The following BICC1 variants were observed in gnomAD, a reference collection of about 807,000 sequenced individuals.
BICC1 encodes protein bicaudal C homolog 1.
A neutral mutation model predicts 111.0 loss-of-function variants in BICC1; 43 were observed. The ratio of observed to expected loss-of-function variants is 0.39; its 90% CI spans 0.30 to 0.50. The LOEUF (loss-of-function observed/expected upper bound fraction) is 0.50. Ranked by LOEUF, BICC1 falls within the 20% of genes least tolerant of loss-of-function variation. BICC1 has a pLI of 0.88. For synonymous variants in BICC1, 467 were observed against 434.4 expected (o/e 1.07, Z -0.93); for missense variants, 1,091 against 1,203.2 (o/e 0.91, Z 1.38).
chr10:58,567,289 C>T (rs915265485), intron 1 of BICC1, among the ~76,000 whole-genome samples: 4 of 152,036 alleles, frequency 2.6e-5, no homozygotes, highest in African/African-American at 9.7e-5. Context: ...TTTTAGTGTA[C>T]ATGTCATTAA....
intron 1 of BICC1, among the ~76,000 whole-genome samples, chr10:58,518,029 A>T (rs961819038): frequency 6.6e-6 from 1 of 152,186 alleles, no homozygotes; most frequent in Middle Eastern, 3.2e-3. Context: ...CCATGTGTTG[A>T]GTATACTTGT....
chr10:58,786,359 A>G (rs1589136637), intron 4 of BICC1, among the ~76,000 whole-genome samples: 1 of 152,186 alleles, frequency 6.6e-6, no homozygotes, highest in African/African-American at 2.4e-5. Context: ...TCTGCACTTT[A>G]TGATCTCTTT....
chr10:58,673,909 G>A (rs1839259425), intron 2 of BICC1, among the ~76,000 whole-genome samples: 2 of 151,958 alleles, frequency 1.3e-5, no homozygotes. Flanking sequence ...GGGATTACAG[G>A]TATGAGCCAC....
chr10:58,779,026 A>G (rs1842818090), intron 3 of BICC1, among the ~76,000 whole-genome samples: 1 of 152,160 alleles, frequency 6.6e-6, no homozygotes, highest in Non-Finnish European at 1.5e-5. Flanking sequence ...ATCTCTTGGT[A>G]AAGTATGTAT....
At chr10:58,804,079 A>G (rs1048259950) in intron 15 of BICC1, among the ~76,000 whole-genome samples, 2 of 152,190 alleles carry the variant, frequency 1.3e-5, no homozygotes, top group African/African-American at 4.8e-5. Context: ...GCTAAACTAT[A>G]TTACTTTAAT....
Position 58,796,382 on chromosome 10 carries a change from T to C in BICC1, c.1222T>C (p.Tyr408His). 1 of 1,614,056 alleles carries C rather than the reference T, an allele frequency of 6.2e-7. No individual in the cohort carries two copies. Among genetic ancestry groups the C allele is most frequent in the Non-Finnish European group, 8.5e-7 (1 of 1,179,984 alleles). The change falls in exon 10 of 21, where the codon TAT becomes CAT. Residue 408 changes from tyrosine (Y) to histidine (H), a missense_variant. By Grantham distance (83) the Tyr-to-His change is moderately conservative. Around this residue, in one of 3 missense-constraint regions of BICC1, gnomAD observed 843 missense variants for 900.8 expected, o/e 0.94. Coordinates refer to ENST00000373886, the MANE Select transcript of BICC1 (RefSeq NM_001080512.3). ...KSVERNALNM[Y>H]EARKCLLGLE... ...TGTTGAGCGAAATGCCTTAAATATG[T>C]ATGAAGCAAGGAAATGTCTCCTCGG...
intron 8 of BICC1, among the ~76,000 whole-genome samples, chr10:58,790,279 CAAA>C (rs10712140): frequency 7.2e-6 from 1 of 138,714 alleles, no homozygotes; most frequent in East Asian, 2.1e-4. Context: ...TTGTATTTGG[CAAA>C]AAAAAAAAAA....
chr10:58,648,579 T>G, intron 2 of BICC1: 7 of 983,942 alleles, frequency 7.1e-6, no homozygotes, highest in Middle Eastern at 5.2e-4. Flanking sequence ...ATGGTATGTT[T>G]AGTGCCTCTC....
chr10:58,629,034 A>G (rs557561657), intron 2 of BICC1, among the ~76,000 whole-genome samples: 12 of 152,322 alleles, frequency 7.9e-5, no homozygotes, highest in Non-Finnish European at 1.6e-4. Flanking sequence ...GAGATTTCAC[A>G]TGGTTTGGAC....
intron 1 of BICC1, among the ~76,000 whole-genome samples, chr10:58,606,720 A>G (rs560251402): frequency 1.3e-4 from 20 of 152,128 alleles, no homozygotes; most frequent in African/African-American, 4.8e-4. Context: ...TTTATTTCAA[A>G]TGTGAAATTT....
At chr10:58,638,576 C>G (rs1232812386) in intron 2 of BICC1, among the ~76,000 whole-genome samples, 1 of 152,194 alleles carries the variant, frequency 6.6e-6, no homozygotes, top group East Asian at 1.9e-4. Context: ...CCAGAGTTCA[C>G]AGACTTGAAA....
intron 1 of BICC1, among the ~76,000 whole-genome samples, chr10:58,549,239 A>G (rs981690045): frequency 6.6e-6 from 1 of 152,010 alleles, no homozygotes; most frequent in African/African-American, 2.4e-5. Flanking sequence ...CCAGCTCTTG[A>G]CCAGTATAAA....
intron 1 of BICC1, among the ~76,000 whole-genome samples, chr10:58,554,732 CA>C (rs1843395653): frequency 6.6e-6 from 1 of 151,138 alleles, no homozygotes; most frequent in African/African-American, 2.4e-5. Context: ...CTAATTTAAA[CA>C]ATGTGATATC....
chr10:58,585,875 T>C (rs1044745728), intron 1 of BICC1, among the ~76,000 whole-genome samples: 4 of 152,160 alleles, frequency 2.6e-5, no homozygotes, highest in Non-Finnish European at 2.9e-5. Flanking sequence ...CCAAGGTAGA[T>C]TGTGGTTGTA....
intron 3 of BICC1, among the ~76,000 whole-genome samples, chr10:58,743,191 A>G (rs1841724658): frequency 6.6e-6 from 1 of 152,206 alleles, no homozygotes; most frequent in Admixed American, 6.5e-5. Flanking sequence ...GCTGGAATGC[A>G]GAATTCATGG....
chr10:58,726,445 T>G (rs1218399081), intron 3 of BICC1, among the ~76,000 whole-genome samples: 1 of 152,184 alleles, frequency 6.6e-6, no homozygotes, highest in African/African-American at 2.4e-5. Context: ...ACTTGTAGGT[T>G]CTTTGGCTGG....
chr10:58,599,164 G>A (rs960419369), intron 1 of BICC1, among the ~76,000 whole-genome samples: 1 of 152,160 alleles, frequency 6.6e-6, no homozygotes, highest in Non-Finnish European at 1.5e-5. Flanking sequence ...ATACCCAGAG[G>A]ATTATAAATC....
intron 1 of BICC1, among the ~76,000 whole-genome samples, chr10:58,517,589 G>A (rs1293525612): frequency 6.6e-6 from 1 of 152,192 alleles, no homozygotes; most frequent in Non-Finnish European, 1.5e-5. Context: ...GCTAATGCTT[G>A]ATCAAGGCTA....
At chr10:58,765,745 C>A (rs1382235197) in intron 3 of BICC1, among the ~76,000 whole-genome samples, 1 of 152,188 alleles carries the variant, frequency 6.6e-6, no homozygotes, top group African/African-American at 2.4e-5. Flanking sequence ...AAAGGCCTTT[C>A]CTCTTGTTCT....
Sources: gnomAD v4.1 joint callset for allele counts (sites outside exome capture counted in the v4.1 genomes callset) on GRCh38, gnomAD v4.1.1 for gene constraint, gnomAD v4.1.1 regional missense constraint, MANE v1.5 for transcripts, NCBI Gene and HGNC (gene_info 2026-07-23, HGNC 2026-07-21) for gene names.